Variants in LINGO2 observed in about 807,000 individuals in gnomAD.
LINGO2 encodes leucine-rich repeat and immunoglobulin-like domain-containing nogo receptor-interacting protein 2.
Under a neutral mutation model 30.6 loss-of-function variants are expected in LINGO2, and 14 were observed. That is an observed-to-expected ratio of 0.46 (90% CI 0.30 to 0.72). The LOEUF (loss-of-function observed/expected upper bound fraction) is 0.72, where lower values mean the gene tolerates loss of function less well. Among genes scored for constraint, LINGO2 ranks in the 30% least tolerant of loss-of-function variants. The probability of loss-of-function intolerance (pLI) is 0.07; values close to 1 mark genes in which losing one functional copy is unlikely to be tolerated. For missense variants in LINGO2, 729 were observed against 751.7 expected (o/e 0.97, Z 0.35); for synonymous variants, 317 against 288.5 (o/e 1.10, Z -1.00).
chr9:28,450,978 G>A (rs1684088278), intron 2 of LINGO2, among the ~76,000 whole-genome samples: 1 of 151,816 alleles, frequency 6.6e-6, no homozygotes, highest in Admixed American at 6.6e-5. Context: ...CCTTCATTTT[G>A]AATAGAAATA....
At chr9:28,298,969 CTT>C (rs1824032332) in intron 3 of LINGO2, among the ~76,000 whole-genome samples, 1 of 152,188 alleles carries the variant, frequency 6.6e-6, no homozygotes, top group South Asian at 2.1e-4. Flanking sequence ...TTTTGGTATT[CTT>C]TGTCTTTCCT....
At chr9:29,155,267 T>C in the LINGO2 span, among the ~76,000 whole-genome samples, 1 of 152,166 alleles carries the variant, frequency 6.6e-6, no homozygotes, top group African/African-American at 2.4e-5. Context: ...AATATGATGA[T>C]CTTTTTCTTC....
Position 28,137,947 on chromosome 9 carries a change from C to T in LINGO2, c.-86-125542G>A, listed in dbSNP as rs1827563930. Among the ~76,000 whole-genome samples, 3 of 152,200 alleles carry T rather than the reference C, an allele frequency of 2.0e-5. 1 individual carries two copies. The South Asian group carries it at 6.2e-4, about 32-fold the overall frequency. On this transcript the variant is annotated intron_variant, in intron 4 of 5. Transcript: ENST00000379992. ...TTTCAGGAAATAGAATAAAATTCCT[C>T]CAAGATACATAGCTGCCATAAGCAA...
At chr9:28,056,065 GAAA>G (rs1824927190) in intron 4 of LINGO2, among the ~76,000 whole-genome samples, 2 of 152,270 alleles carry the variant, frequency 1.3e-5, no homozygotes, top group African/African-American at 2.4e-5. Flanking sequence ...AAGATCCAGA[GAAA>G]AAAGAAAGGA....
At chr9:29,103,684 G>A in the LINGO2 span, among the ~76,000 whole-genome samples, 3 of 152,146 alleles carry the variant, frequency 2.0e-5, no homozygotes, top group East Asian at 1.9e-4. Context: ...TGGTTGAGAT[G>A]TAGGTTCTTG....
At chr9:28,702,697 T>C in the LINGO2 span, among the ~76,000 whole-genome samples, 2 of 152,054 alleles carry the variant, frequency 1.3e-5, no homozygotes, top group Admixed American at 1.3e-4. Flanking sequence ...CTGGAAGAGA[T>C]GACAGAATGT....
intron 5 of LINGO2, among the ~76,000 whole-genome samples, chr9:27,964,442 A>G (rs1819999250): frequency 6.6e-6 from 1 of 152,080 alleles, no homozygotes; most frequent in Non-Finnish European, 1.5e-5. Flanking sequence ...GGCAATTATT[A>G]TATGGTTTGA....
intron 4 of LINGO2, among the ~76,000 whole-genome samples, chr9:28,171,268 G>C (rs946698110): frequency 6.6e-6 from 1 of 152,198 alleles, no homozygotes; most frequent in Non-Finnish European, 1.5e-5. Context: ...AGTCTGCAGG[G>C]AAGGACATGG....
chr9:28,372,495 A>G (rs1031544420), intron 3 of LINGO2, among the ~76,000 whole-genome samples: 8 of 152,310 alleles, frequency 5.3e-5, no homozygotes, highest in Admixed American at 3.9e-4. Context: ...TGGTGGTTAT[A>G]GAGGCTGGCT....
At chr9:28,529,340 C>T (rs1811689065) in intron 1 of LINGO2, among the ~76,000 whole-genome samples, 1 of 152,112 alleles carries the variant, frequency 6.6e-6, no homozygotes, top group Admixed American at 6.5e-5. Flanking sequence ...CTATTTAAGG[C>T]TCAGTCACCT....
chr9:28,326,796 T>C (rs977831034), intron 3 of LINGO2, among the ~76,000 whole-genome samples: 1 of 152,148 alleles, frequency 6.6e-6, no homozygotes, highest in Non-Finnish European at 1.5e-5. Flanking sequence ...CAATATTCCT[T>C]GGGGATCATG....
At chr9:28,931,977 A>G in the LINGO2 span, among the ~76,000 whole-genome samples, 1 of 151,622 alleles carries the variant, frequency 6.6e-6, no homozygotes, top group South Asian at 2.1e-4. Context: ...GTGTGGTGGC[A>G]CGCACCTGTA....
intron 3 of LINGO2, among the ~76,000 whole-genome samples, chr9:28,322,340 TA>T (rs1825074200): frequency 6.6e-6 from 1 of 152,036 alleles, no homozygotes; most frequent in African/African-American, 2.4e-5. Context: ...TCATTCCACT[TA>T]AAAAATATTA....
the LINGO2 span, among the ~76,000 whole-genome samples, chr9:28,770,340 T>C: frequency 2.0e-5 from 3 of 152,202 alleles, no homozygotes; most frequent in African/African-American, 7.2e-5. Context: ...GGGATTCTCC[T>C]ATTACAAGTC....
chr9:28,088,433 A>G (rs1260438700), intron 4 of LINGO2, among the ~76,000 whole-genome samples: 1 of 151,986 alleles, frequency 6.6e-6, no homozygotes, highest in East Asian at 1.9e-4. Flanking sequence ...TAAAACCAAG[A>G]TCTTCCTTTG....
At chr9:28,064,612 C>T (rs756901205) in intron 4 of LINGO2, among the ~76,000 whole-genome samples, 1 of 152,250 alleles carries the variant, frequency 6.6e-6, no homozygotes. Flanking sequence ...TAATTAACCC[C>T]TGGAGAGCTA....
At chr9:28,322,465 ACACACACACACACACG>A (rs777074433) in intron 3 of LINGO2, among the ~76,000 whole-genome samples, 2 of 85,784 alleles carry the variant, frequency 2.3e-5, no homozygotes, top group Non-Finnish European at 5.5e-5. Flanking sequence ...ACACACACAC[ACACACACACACACACG>A]TTTACAATAA....
rs60660309 is a variant in LINGO2 at position 28,396,703 on chromosome 9, C to CAAAA, written c.-278-23839_-278-23836dup. On this transcript the variant is annotated intron_variant, in intron 2 of 5. Transcript: ENST00000379992. ...TGGGTGACAGAGCGAGACTCCATCTCAAAAAAAAAAAAAAAAAGTCCTGAC... is the reference window on the plus strand; with the variant it reads ...TGGGTGACAGAGCGAGACTCCATCTCAAAAAAAAAAAAAAAAAAAAAGTCCTGAC... Among the ~76,000 whole-genome samples, 338 of 53,136 alleles carry CAAAA rather than the reference C, an allele frequency of 6.4e-3. 34 individuals carry two copies. Among genetic ancestry groups the CAAAA allele is most frequent in the Middle Eastern group, 0.034 (2 of 58 alleles). 34.9% of individuals were successfully genotyped at this position (53,136 alleles called of 152,430 possible). A position where few individuals can be genotyped will look rare whatever the true frequency, so the allele number is the denominator to read the frequency against.
the LINGO2 span, among the ~76,000 whole-genome samples, chr9:29,123,370 G>A: frequency 1.3e-5 from 2 of 151,940 alleles, no homozygotes; most frequent in Admixed American, 6.6e-5. Flanking sequence ...CACTCCACAC[G>A]TTGACACTGG....
Sources: gnomAD v4.1 joint callset for allele counts (sites outside exome capture counted in the v4.1 genomes callset) on GRCh38, gnomAD v4.1.1 for gene constraint, MANE v1.5 for transcripts, NCBI Gene and HGNC (gene_info 2026-07-23, HGNC 2026-07-21) for gene names.